The following TIMM23 variants were observed in gnomAD, a reference collection of about 807,000 sequenced individuals.
TIMM23 encodes the protein mitochondrial import inner membrane translocase subunit Tim23.
A neutral mutation model predicts 30.7 loss-of-function variants in TIMM23; 19 were observed. That is an observed-to-expected ratio of 0.62 (90% CI 0.43 to 0.91). The LOEUF is 0.91. TIMM23 is among the 40% of genes least tolerant of loss of function. The pLI is 0.00. For synonymous variants in TIMM23, 78 were observed against 98.5 expected, an observed-to-expected ratio of 0.79 and a Z score of 1.23; for missense variants, 202 against 269.2, an observed-to-expected ratio of 0.75 and a Z score of 1.75.
At chr10:45,982,002 A>T (rs1837866119) in intron 2 of TIMM23, among the ~76,000 whole-genome samples, 1 of 152,146 alleles carries the variant, frequency 6.6e-6, no homozygotes, top group African/African-American at 2.4e-5. Context: ...GCTTTCTGAG[A>T]GTATCAAAGG....
At position 45,988,717 on chromosome 10, in the gene TIMM23, C is replaced by T; in HGVS notation, c.404-20C>T. ...ACTTTATCACTGTTTTGTCACTGAGCACTTCCATTTCCTCTTTAGCTTTGC... is the reference window on the plus strand; with the variant it reads ...ACTTTATCACTGTTTTGTCACTGAGTACTTCCATTTCCTCTTTAGCTTTGC... On this transcript the variant is annotated intron_variant, in intron 5 of 6. Transcript: ENST00000580018. The T allele has an allele frequency of 6.2e-7, 1 of 1,612,226 alleles. No individual in the cohort carries two copies. The highest frequency in any genetic ancestry group is 2.2e-5 in the East Asian group (1 of 44,848).
At chr10:45,985,327 G>T (rs61849526) in intron 4 of TIMM23, 56 bp from the exon 5 acceptor site, 2 of 1,610,784 alleles carry the variant, frequency 1.2e-6, no homozygotes, top group Admixed American at 3.3e-5. Flanking sequence ...GTTTTTAAAG[G>T]TTACTAGAGA....
intron 1 of TIMM23, 139 bp from the exon 2 acceptor site, chr10:45,975,315 G>A: frequency 1.8e-6 from 2 of 1,126,448 alleles, no homozygotes; most frequent in Non-Finnish European, 2.7e-6. Flanking sequence ...AGATAGGGAG[G>A]ATAAAATGGG....
At chr10:46,002,808 G>GTTTTT (rs1249590709) in intron 6 of TIMM23, among the ~76,000 whole-genome samples, 1 of 115,534 alleles carries the variant, frequency 8.7e-6, no homozygotes, top group African/African-American at 3.3e-5. Flanking sequence ...CCATTTCATA[G>GTTTTT]TATTTTTTTT....
At chr10:45,989,295 C>G (rs1457295005) in intron 6 of TIMM23, among the ~76,000 whole-genome samples, 3 of 152,188 alleles carry the variant, frequency 2.0e-5, no homozygotes, top group Non-Finnish European at 4.4e-5. Flanking sequence ...CATGTTGTTG[C>G]ATGTGCCAGA....
Position 45,982,530 on chromosome 10 carries a change from A to G in TIMM23, c.173A>G (p.Asp58Gly). ...TCATTATTATCCTTTTAGGATACAG[A>G]TGAGTTTATTTTACCTACCGGAGCT... Reference protein sequence around the residue: ...VDPRYLVQDTDEFILPTGANK... With the variant: ...VDPRYLVQDTGEFILPTGANK... The change falls in exon 3 of 7, where the codon GAT becomes GGT. Residue 58 changes from aspartate (D) to glycine (G), a missense_variant. Asp to Gly is a moderately conservative substitution (Grantham distance 94, BLOSUM62 -1). Coordinates refer to ENST00000580018, the MANE Select transcript of TIMM23 (RefSeq NM_006327.4). 1.2e-6 allele frequency: 2 copies of G among 1,613,956 alleles called. No individual in the cohort carries two copies. Among genetic ancestry groups the G allele is most frequent in the Non-Finnish European group, 1.7e-6 (2 of 1,179,850 alleles).
chr10:45,972,844 C>T, intron 1 of TIMM23, 114 bp downstream of exon 1: 4 of 1,536,380 alleles, frequency 2.6e-6, no homozygotes, highest in Non-Finnish European at 3.5e-6. Flanking sequence ...CATTTACAAG[C>T]TTAAGTACCA....
intron 6 of TIMM23, among the ~76,000 whole-genome samples, chr10:46,000,411 G>C (rs1485578726): frequency 6.6e-6 from 1 of 152,162 alleles, no homozygotes; most frequent in African/African-American, 2.4e-5. Context: ...CAACAGATGG[G>C]GTCTCACCAT....
intron 1 of TIMM23, among the ~76,000 whole-genome samples, chr10:45,973,178 GA>G (rs1343841958): frequency 2.1e-4 from 7 of 32,714 alleles, no homozygotes; most frequent in African/African-American, 1.1e-3. Context: ...TTGTAAGTGA[GA>G]AATAAATGAC....
intron 2 of TIMM23, among the ~76,000 whole-genome samples, chr10:45,977,106 G>A (rs1325636042): frequency 6.7e-6 from 1 of 149,546 alleles, no homozygotes; most frequent in African/African-American, 2.5e-5. Flanking sequence ...TTGAAATTAA[G>A]TGGAAAGACA....
intron 2 of TIMM23, among the ~76,000 whole-genome samples, chr10:45,976,518 C>T (rs183205658): frequency 0.012 from 1,864 of 151,502 alleles, 19 homozygotes; most frequent in African/African-American, 0.041. Context: ...GGCTGAGGCA[C>T]GAGAATCGCT....
intron 6 of TIMM23, among the ~76,000 whole-genome samples, chr10:45,995,938 G>A (rs1302866107): frequency 6.7e-6 from 1 of 149,064 alleles, no homozygotes; most frequent in Non-Finnish European, 1.5e-5. Flanking sequence ...TATTTGTGGT[G>A]GATGAATTAC....
At chr10:45,988,693 C>CT (rs2132265246) in intron 5 of TIMM23, 44 bp from the exon 6 acceptor site, 1 of 1,562,000 alleles carries the variant, frequency 6.4e-7, no homozygotes, top group African/African-American at 1.4e-5. Context: ...TAATATCACA[C>CT]TTTATCACTG....
chr10:46,003,546 GTTCTCCTCTGGAGATCTTGCACGTA>G lies in TIMM23; in HGVS notation c.*230_*254del. On this transcript the variant is annotated 3_prime_UTR_variant, in exon 7 of 7. Coordinates refer to ENST00000580018, the MANE Select transcript of TIMM23 (RefSeq NM_006327.4). ...GTGACTCACTGAGTACCATGGTTCT[GTTCTCCTCTGGAGATCTTGCACGTA>G]TCTGTTTTCCTCCCCCATGAACTAG... 2.4e-6 allele frequency: 1 copy of G among 421,338 alleles called. No homozygotes were observed. Among genetic ancestry groups the G allele is most frequent in the Non-Finnish European group, 4.4e-6 (1 of 228,726 alleles). The allele number at this position is 421,338 out of a possible 1,614,324, so 26.1% of individuals were successfully genotyped here. A position where few individuals can be genotyped will look rare whatever the true frequency, so the allele number is the denominator to read the frequency against.
rs1362902351 is a variant in TIMM23 at position 45,991,550 on chromosome 10, A to G, written c.514+2703A>G. Among the ~76,000 whole-genome samples, 741 of 152,176 alleles carry G rather than the reference A, an allele frequency of 4.9e-3. 6 individuals carry two copies. Among genetic ancestry groups the G allele is most frequent in the East Asian group, 0.019 (96 of 5,158 alleles). On this transcript the variant is annotated intron_variant, in intron 6 of 6. Transcript: ENST00000580018. Reference sequence around the variant, plus strand: ...GTGGATCCCCTGAGGTCAGGAGTTCAAGACCAGCCTGACCAACATAGAGAA... The same window carrying G: ...GTGGATCCCCTGAGGTCAGGAGTTCGAGACCAGCCTGACCAACATAGAGAA...
intron 6 of TIMM23, among the ~76,000 whole-genome samples, chr10:45,990,063 A>G (rs1838109567): frequency 1.3e-5 from 2 of 152,008 alleles, no homozygotes; most frequent in South Asian, 4.2e-4. Flanking sequence ...AGTGATGTGC[A>G]ACAGTGTTCT....
chr10:45,980,932 A>G (rs1204685556), intron 2 of TIMM23, among the ~76,000 whole-genome samples: 1 of 139,298 alleles, frequency 7.2e-6, no homozygotes, highest in Non-Finnish European at 1.6e-5. Flanking sequence ...TTTTTTTTTT[A>G]AGTTTTCTTT....
chr10:45,991,270 G>C (rs1249239146), intron 6 of TIMM23, among the ~76,000 whole-genome samples: 3 of 152,186 alleles, frequency 2.0e-5, no homozygotes, highest in African/African-American at 7.2e-5. Flanking sequence ...AAAGTAAGAA[G>C]CTTAAAATTA....
chr10:45,995,033 G>C lies in TIMM23; in HGVS notation c.514+6186G>C, dbSNP rs1651070643. Among the ~76,000 whole-genome samples, 3 of 151,844 alleles carry C rather than the reference G, an allele frequency of 2.0e-5. No individual in the cohort carries two copies. In the South Asian group the frequency reaches 6.2e-4, roughly 31 times the overall value. ...TTCAGTGTTTCGAGTTATTAAGACA[G>C]GAAGTGTGAGTCCATGTTGGAATTC... On this transcript the variant is annotated intron_variant, in intron 6 of 6. Transcript: ENST00000580018.
Sources: gnomAD v4.1 joint callset for allele counts (sites outside exome capture counted in the v4.1 genomes callset) on GRCh38, gnomAD v4.1.1 for gene constraint, MANE v1.5 for transcripts, NCBI Gene and HGNC (gene_info 2026-07-23, HGNC 2026-07-21) for gene names.